NPIPA5: variants seen among roughly 807,000 people sequenced by gnomAD.
NPIPA5 encodes nuclear pore complex-interacting protein family member A5.
Under a neutral mutation model 21.4 loss-of-function variants are expected in NPIPA5, and 6 were observed. The ratio of observed to expected loss-of-function variants is 0.28; its 90% CI spans 0.15 to 0.55. NPIPA5 has a LOEUF of 0.55. NPIPA5 is among the 20% of genes least tolerant of loss of function. NPIPA5 has a pLI of 0.93. For missense variants in NPIPA5, 99 were observed against 318.2 expected, an observed-to-expected ratio of 0.31 and a Z score of 5.24; for synonymous variants, 33 against 115.3, an observed-to-expected ratio of 0.29 and a Z score of 4.57.
chr16:15,363,650 T>C lies in NPIPA5; in HGVS notation c.*9A>G. The C allele has an allele frequency of 6.5e-7, 1 of 1,532,222 alleles. No homozygotes were observed. Among genetic ancestry groups the C allele is most frequent in the Non-Finnish European group, 8.7e-7 (1 of 1,143,570 alleles). The allele number at this position is 1,532,222 out of a possible 1,614,324, so 94.9% of individuals were successfully genotyped here. A position where few individuals can be genotyped will look rare whatever the true frequency, so the allele number is the denominator to read the frequency against. ...TCATTTTATTTTTATATTATTTATT[T>C]ATTCTTCATTAGTTTCTTGAGATTA... On this transcript the variant is annotated 3_prime_UTR_variant, in exon 8 of 8. Coordinates refer to ENST00000360151, the MANE Select transcript of NPIPA5 (RefSeq NM_001277325.2).
chr16:15,380,898 A>G, upstream of NPIPA5: 1 of 1,033,268 alleles, frequency 9.7e-7, no homozygotes, highest in Non-Finnish European at 1.4e-6. Context: ...GCTCAAGGGC[A>G]CCAGGCCCCA....
chr16:15,368,807 T>C (rs368770473), intron 4 of NPIPA5, among the ~76,000 whole-genome samples: 103 of 130,170 alleles, frequency 7.9e-4, no homozygotes, highest in South Asian at 7.6e-3. Context: ...GGTGAAACCC[T>C]GCCTCTACTA....
At chr16:15,368,462 C>T (rs1342068439) in intron 4 of NPIPA5, among the ~76,000 whole-genome samples, 1 of 151,968 alleles carries the variant, frequency 6.6e-6, no homozygotes, top group East Asian at 1.9e-4. Flanking sequence ...TAAAAAGTAT[C>T]TCACATTTAA....
chr16:15,363,817 G>A lies in NPIPA5; in HGVS notation c.895C>T (p.Pro299Ser), dbSNP rs772111057. Reference sequence around the variant, plus strand: ...GTCTTGAGATTATCATCCGCTGAGGGTAGAGCTGAGGGTGGAAGGGGAGTG... The same window carrying A: ...GTCTTGAGATTATCATCCGCTGAGGATAGAGCTGAGGGTGGAAGGGGAGTG... ...LLTPLPPSALPSADDNLKTPA... is the reference protein window; with the variant it reads ...LLTPLPPSALSSADDNLKTPA... Residue 299 changes from proline (P) to serine (S), a missense_variant, in exon 8 of 8, where the codon CCC becomes TCC. Coordinates refer to ENST00000360151, the MANE Select transcript of NPIPA5 (RefSeq NM_001277325.2). 1.4e-4 allele frequency: 193 copies of A among 1,379,520 alleles called. 6 individuals are homozygous for A. Among genetic ancestry groups the A allele is most frequent in the Non-Finnish European group, 1.8e-4 (189 of 1,037,086 alleles). The allele number at this position is 1,379,520 out of a possible 1,614,324, so 85.5% of individuals were successfully genotyped here.
At chr16:15,371,661 C>T (rs1241655367) in intron 2 of NPIPA5, among the ~76,000 whole-genome samples, 2 of 141,240 alleles carry the variant, frequency 1.4e-5, no homozygotes, top group African/African-American at 5.1e-5. Flanking sequence ...TGCTACCATG[C>T]CTGGCTAATT....
intron 1 of NPIPA5, among the ~76,000 whole-genome samples, chr16:15,377,595 G>A (rs1440831544): frequency 1.4e-5 from 2 of 139,538 alleles, no homozygotes; most frequent in Non-Finnish European, 1.5e-5. Context: ...GCGGAGGGAA[G>A]GGGACGGGGA....
At chr16:15,366,948 G>A (rs2049992425) in intron 4 of NPIPA5, among the ~76,000 whole-genome samples, 188 bp from the exon 5 acceptor site, 1 of 151,998 alleles carries the variant, frequency 6.6e-6, no homozygotes, top group Non-Finnish European at 1.5e-5. Flanking sequence ...ATCACACTCT[G>A]GCCTGCTGGC....
intron 4 of NPIPA5, among the ~76,000 whole-genome samples, 183 bp from the exon 5 acceptor site, chr16:15,366,943 A>C (rs1392137041): frequency 2.6e-5 from 4 of 151,930 alleles, no homozygotes; most frequent in Non-Finnish European, 5.9e-5. Context: ...AAAAAATCAC[A>C]CTCTGGCCTG....
chr16:15,379,491 C>T (rs554238124), upstream of NPIPA5, among the ~76,000 whole-genome samples: 16 of 151,876 alleles, frequency 1.1e-4, no homozygotes, highest in South Asian at 2.1e-4. Flanking sequence ...AGTTTGAACC[C>T]GGGAGGCAGA....
At chr16:15,369,116 C>G (rs1458302992) in intron 4 of NPIPA5, among the ~76,000 whole-genome samples, 3 of 148,230 alleles carry the variant, frequency 2.0e-5, no homozygotes, top group African/African-American at 7.4e-5. Flanking sequence ...TGCACCATAG[C>G]ACTCCAGCCT....
intron 2 of NPIPA5, among the ~76,000 whole-genome samples, chr16:15,371,127 CT>C: frequency 6.9e-6 from 1 of 144,242 alleles, no homozygotes; most frequent in Non-Finnish European, 1.5e-5. Flanking sequence ...TAATTATCAT[CT>C]TGTAAGTATT....
upstream of NPIPA5, chr16:15,380,999 G>A: frequency 6.6e-7 from 1 of 1,510,072 alleles, no homozygotes; most frequent in East Asian, 2.5e-5. Flanking sequence ...AGCTGGCCCT[G>A]GTCATGGGAC....
chr16:15,368,455 A>C (rs4123756), intron 4 of NPIPA5, among the ~76,000 whole-genome samples: 49,266 of 151,724 alleles, frequency 0.32, 10,052 homozygotes, highest in Middle Eastern at 0.51. Context: ...TATTTTTTAA[A>C]AAGTATCTCA....
chr16:15,379,345 G>A (rs1206608946), upstream of NPIPA5, among the ~76,000 whole-genome samples: 6 of 151,908 alleles, frequency 3.9e-5, no homozygotes, highest in Admixed American at 1.3e-4. Flanking sequence ...CGAGGTGGGC[G>A]GATCACAAGG....
rs1286919855 is a variant in NPIPA5, at chr16:15,365,928, G to C, written c.546-294C>G. 9.3e-5 allele frequency among the ~76,000 whole-genome samples: 5 copies of C among 53,760 alleles called. 2 individuals are homozygous for C. Among genetic ancestry groups the C allele is most frequent in the Non-Finnish European group, 2.2e-4 (5 of 23,044 alleles). 35.3% of individuals were successfully genotyped at this position (53,760 alleles called of 152,430 possible). ...ACTAAAAATACAAAAAATTAGGCGGGGGTGGTGGCAGGCACCTGTAATCCC... is the reference window on the plus strand; with the variant it reads ...ACTAAAAATACAAAAAATTAGGCGGCGGTGGTGGCAGGCACCTGTAATCCC... On this transcript the variant is annotated intron_variant, in intron 5 of 7. Coordinates refer to ENST00000360151, the MANE Select transcript of NPIPA5 (RefSeq NM_001277325.2).
intron 1 of NPIPA5, among the ~76,000 whole-genome samples, chr16:15,377,496 C>A (rs566242996): frequency 7.0e-6 from 1 of 143,854 alleles, no homozygotes; most frequent in East Asian, 2.1e-4. Context: ...AAAGAGGAGC[C>A]AAAAGAGCAG....
At chr16:15,370,834 G>A (rs1398095979) in intron 2 of NPIPA5, among the ~76,000 whole-genome samples, 1 of 147,944 alleles carries the variant, frequency 6.8e-6, no homozygotes, top group African/African-American at 2.5e-5. Flanking sequence ...GTGAATCACG[G>A]TCCAGAGATG....
At chr16:15,377,598 GACGGGGA>G (rs1308223720) in intron 1 of NPIPA5, among the ~76,000 whole-genome samples, 1 of 138,382 alleles carries the variant, frequency 7.2e-6, no homozygotes, top group Non-Finnish European at 1.6e-5. Context: ...GAGGGAAGGG[GACGGGGA>G]CCGGGGCCGG....
At chr16:15,371,009 T>TG (rs1325340420) in intron 2 of NPIPA5, among the ~76,000 whole-genome samples, 11 of 107,992 alleles carry the variant, frequency 1.0e-4, no homozygotes, top group Non-Finnish European at 1.5e-4. Context: ...ATCCCACCAC[T>TG]GCACTCCAGC....
Sources: gnomAD v4.1 joint callset for allele counts (sites outside exome capture counted in the v4.1 genomes callset) on GRCh38, gnomAD v4.1.1 for gene constraint, MANE v1.5 for transcripts, NCBI Gene and HGNC (gene_info 2026-07-23, HGNC 2026-07-21) for gene names.